Variants in THSD4 observed in about 807,000 individuals in gnomAD.
The protein encoded by THSD4 is thrombospondin type-1 domain-containing protein 4.
THSD4 carries 69 observed loss-of-function variants against 119.0 expected under a neutral mutation model. That is an observed-to-expected ratio of 0.58 (90% CI 0.48 to 0.71). The LOEUF is 0.71. Among genes scored for constraint, THSD4 ranks in the 30% least tolerant of loss-of-function variants. THSD4 has a pLI of 0.00. For missense variants in THSD4, 1,393 were observed against 1,391.1 expected, an observed-to-expected ratio of 1.00 and a Z score of -0.02; for synonymous variants, 524 against 540.4, an observed-to-expected ratio of 0.97 and a Z score of 0.42.
intron 7 of THSD4, among the ~76,000 whole-genome samples, chr15:71,442,517 C>T (rs1271892858): frequency 7.4e-6 from 1 of 135,460 alleles, no homozygotes; most frequent in Non-Finnish European, 1.6e-5. Context: ...TGCAGCGAGC[C>T]GAGACCACAC....
chr15:71,441,900 C>T (rs1484877082), intron 7 of THSD4, among the ~76,000 whole-genome samples: 2 of 152,106 alleles, frequency 1.3e-5, no homozygotes, highest in African/African-American at 4.8e-5. Context: ...CAATGCCTGG[C>T]ACAGCTTAGT....
At chr15:71,284,166 G>A (rs1043705220) in intron 6 of THSD4, among the ~76,000 whole-genome samples, 14 of 152,164 alleles carry the variant, frequency 9.2e-5, no homozygotes, top group Admixed American at 7.2e-4. Context: ...TTATGAATGC[G>A]TGTGGGATTT....
chr15:71,649,915 G>A (rs2051050721), intron 7 of THSD4, among the ~76,000 whole-genome samples: 1 of 152,182 alleles, frequency 6.6e-6, no homozygotes, highest in South Asian at 2.1e-4. Flanking sequence ...GGTGAAAACA[G>A]CCAATAAGGA....
intron 14 of THSD4, among the ~76,000 whole-genome samples, chr15:71,751,188 C>T (rs7177784): frequency 0.89 from 134,864 of 152,238 alleles, 59,915 homozygotes; most frequent in Non-Finnish European, 0.92. Flanking sequence ...TTTTGTGCTT[C>T]AGTTTCTGAA....
chr15:71,372,666 G>A (rs756608838), intron 6 of THSD4, among the ~76,000 whole-genome samples: 14 of 152,330 alleles, frequency 9.2e-5, no homozygotes, highest in South Asian at 2.1e-4. Flanking sequence ...GTACCTGGCC[G>A]TGTAAGGTCA....
In THSD4 at chr15:71,561,946, C is replaced by G. The variant is rs1338515038; in HGVS notation, c.1153-98584C>G. On this transcript the variant is annotated intron_variant, in intron 7 of 17. Transcript: ENST00000261862. ...AACACTCACTCACTCTCTCTCTTCT[C>G]TAGAGCCAGAAAGTGATGTTAAGCA... Among the ~76,000 whole-genome samples the G allele has an allele frequency of 3.3e-5, 5 of 150,956 alleles. No individual in the cohort carries two copies. In the East Asian group the frequency reaches 9.7e-4, roughly 29 times the overall value.
chr15:71,159,507 C>T (rs935777571), intron 3 of THSD4, among the ~76,000 whole-genome samples: 3 of 152,058 alleles, frequency 2.0e-5, no homozygotes, highest in African/African-American at 7.2e-5. Context: ...CACCTCCTTA[C>T]TTAAGTTTAT....
intron 8 of THSD4, among the ~76,000 whole-genome samples, chr15:71,671,304 A>G (rs972106285): frequency 6.6e-6 from 1 of 152,184 alleles, no homozygotes; most frequent in Non-Finnish European, 1.5e-5. Flanking sequence ...GTCTGTTCAT[A>G]TCCTTCGCCC....
At chr15:71,247,491 G>A (rs1019963568) in intron 5 of THSD4, among the ~76,000 whole-genome samples, 1 of 152,194 alleles carries the variant, frequency 6.6e-6, no homozygotes, top group Non-Finnish European at 1.5e-5. Flanking sequence ...CACCGCACAC[G>A]CCACATAGGT....
intron 7 of THSD4, among the ~76,000 whole-genome samples, chr15:71,538,924 A>G (rs1489122527): frequency 6.6e-6 from 1 of 152,154 alleles, no homozygotes; most frequent in South Asian, 2.1e-4. Flanking sequence ...CCCCACTTTA[A>G]ATCCCTGAGC....
intron 7 of THSD4, among the ~76,000 whole-genome samples, chr15:71,588,070 G>C (rs1567049873): frequency 6.6e-6 from 1 of 151,998 alleles, no homozygotes; most frequent in Non-Finnish European, 1.5e-5. Flanking sequence ...ACTTTGGGAG[G>C]CCGAGGTGGG....
intron 7 of THSD4, among the ~76,000 whole-genome samples, chr15:71,528,410 G>A (rs1393762386): frequency 2.0e-5 from 3 of 152,140 alleles, no homozygotes; most frequent in African/African-American, 2.4e-5. Context: ...CCTCAGCTCC[G>A]TGGGAAGCAG....
At position 71,777,367 on chromosome 15, in the gene THSD4, G is replaced by A. The variant is rs774461057; in HGVS notation, c.3050G>A (p.Ser1017Asn). ...AACAGGCAGACGGGCTTCCTGGGGA[G>A]CAGATAACACTCCTGCACCCCCATC... ...VANRQTGFLG[S>N]R Residue 1017 changes from serine (S) to asparagine (N), a missense_variant, in exon 18 of 18, where the codon AGC (serine) becomes AAC (asparagine). Ser to Asn is a conservative substitution (Grantham distance 46). Coordinates refer to ENST00000261862, the MANE Select transcript of THSD4 (RefSeq NM_024817.3). 4 of 1,613,538 alleles carry A rather than the reference G, an allele frequency of 2.5e-6. No homozygotes were observed. The South Asian group carries it at 3.3e-5, about 13-fold the overall frequency.
chr15:71,742,559 C>T (rs1452429172), intron 11 of THSD4, among the ~76,000 whole-genome samples: 1 of 152,134 alleles, frequency 6.6e-6, no homozygotes, highest in Non-Finnish European at 1.5e-5. Context: ...TATAAGGCAA[C>T]CGAACTGATC....
intron 8 of THSD4, among the ~76,000 whole-genome samples, chr15:71,664,100 A>T (rs1273398683): frequency 3.3e-5 from 5 of 151,936 alleles, no homozygotes; most frequent in Non-Finnish European, 7.4e-5. Context: ...CTCCTGCCTC[A>T]GCCTCCCGAG....
At chr15:71,125,284 A>G (rs2040444277) in intron 1 of THSD4, among the ~76,000 whole-genome samples, 1 of 151,986 alleles carries the variant, frequency 6.6e-6, no homozygotes, top group African/African-American at 2.4e-5. Context: ...ACTTGATTCT[A>G]GCTGGAATTT....
chr15:71,218,062 G>A (rs1012278030), intron 4 of THSD4, among the ~76,000 whole-genome samples: 1 of 151,726 alleles, frequency 6.6e-6, no homozygotes, highest in African/African-American at 2.4e-5. Context: ...ATGAGTCACC[G>A]TGCGTGGCCT....
intron 8 of THSD4, among the ~76,000 whole-genome samples, chr15:71,662,078 C>G (rs543078863): frequency 6.6e-6 from 1 of 152,278 alleles, no homozygotes; most frequent in South Asian, 2.1e-4. Flanking sequence ...AGTCTCAGAA[C>G]CTAAGTTCCT....
intron 6 of THSD4, among the ~76,000 whole-genome samples, chr15:71,408,461 G>A (rs1038645902): frequency 2.6e-5 from 4 of 152,114 alleles, no homozygotes; most frequent in East Asian, 1.9e-4. Context: ...TTGGACTCCC[G>A]GGCTCAAGCA....
Sources: allele counts gnomAD v4.1 joint callset (sites outside exome capture counted in the v4.1 genomes callset), GRCh38; gene constraint gnomAD v4.1.1; transcripts MANE v1.5; gene names NCBI Gene and HGNC (gene_info 2026-07-23, HGNC 2026-07-21).